The following NCOA7 variants were observed in gnomAD, a reference collection of about 807,000 sequenced individuals.
NCOA7 encodes 140 kDa estrogen receptor-associated protein.
Under a neutral mutation model 104.3 loss-of-function variants are expected in NCOA7, and 45 were observed. The observed-to-expected ratio is 0.43, with a 90% CI of 0.34 to 0.55. The LOEUF is 0.55. NCOA7 is among the 20% of genes least tolerant of loss of function. The pLI, the probability that NCOA7 is intolerant of heterozygous loss-of-function variation, is 0.02. For missense variants in NCOA7, 1,041 were observed against 1,119.7 expected (o/e 0.93, Z 1.00); for synonymous variants, 398 against 402.3 (o/e 0.99, Z 0.13).
intron 1 of NCOA7, among the ~76,000 whole-genome samples, chr6:125,782,432 C>T (rs1774268677): frequency 6.6e-6 from 1 of 152,192 alleles, no homozygotes; most frequent in African/African-American, 2.4e-5. Context: ...TTTAATTCCA[C>T]ATTGTCATTT....
chr6:125,790,264 A>T (rs1774705614), upstream of NCOA7, among the ~76,000 whole-genome samples: 1 of 152,242 alleles, frequency 6.6e-6, no homozygotes, highest in South Asian at 2.1e-4. Context: ...AAGGGCTTTA[A>T]AGCTGGGGAA....
intron 13 of NCOA7, among the ~76,000 whole-genome samples, chr6:125,924,743 G>A (rs1168354345): frequency 6.6e-6 from 1 of 152,198 alleles, no homozygotes; most frequent in African/African-American, 2.4e-5. Context: ...GGCACTTGAG[G>A]CACAACTCTC....
chr6:125,823,129 A>G (rs182919345), intron 2 of NCOA7, among the ~76,000 whole-genome samples: 44 of 152,308 alleles, frequency 2.9e-4, no homozygotes, highest in Non-Finnish European at 5.0e-4. Context: ...ACTCTCTTGC[A>G]TGATTTCCAT....
At chr6:125,812,629 A>G (rs1205706787) in intron 1 of NCOA7, among the ~76,000 whole-genome samples, 3 of 152,102 alleles carry the variant, frequency 2.0e-5, no homozygotes, top group Non-Finnish European at 4.4e-5. Flanking sequence ...CCTTTCCTCT[A>G]GCCTTCACTG....
At chr6:125,801,938 A>AT (rs1394181849) in intron 1 of NCOA7, among the ~76,000 whole-genome samples, 3 of 152,214 alleles carry the variant, frequency 2.0e-5, no homozygotes, top group Non-Finnish European at 4.4e-5. Context: ...ACAGTAAGTA[A>AT]TATCAACCAT....
chr6:125,856,200 G>A (rs1400116124), intron 3 of NCOA7, among the ~76,000 whole-genome samples: 3 of 152,032 alleles, frequency 2.0e-5, no homozygotes, highest in African/African-American at 7.2e-5. Context: ...AGAAAACTGA[G>A]AGCAGTGTCT....
At chr6:125,875,012 C>T in intron 4 of NCOA7, 44 bp downstream of exon 4, 1 of 1,399,502 alleles carries the variant, frequency 7.1e-7, no homozygotes, top group Non-Finnish European at 1.0e-6. Flanking sequence ...AATAGCACTA[C>T]ATTTATATAA....
intron 3 of NCOA7, among the ~76,000 whole-genome samples, chr6:125,858,105 G>A (rs185537041): frequency 4.7e-4 from 71 of 152,046 alleles, no homozygotes; most frequent in African/African-American, 1.6e-3. Context: ...TTTCTGCATT[G>A]TTATCATGGA....
chr6:125,924,856 A>G (rs1409860398), intron 13 of NCOA7, among the ~76,000 whole-genome samples: 1 of 152,124 alleles, frequency 6.6e-6, no homozygotes, highest in African/African-American at 2.4e-5. Context: ...GTCAAGGGTT[A>G]TGGTGTACCC....
chr6:125,871,961 C>T (rs377720196), intron 3 of NCOA7, among the ~76,000 whole-genome samples: 1 of 146,956 alleles, frequency 6.8e-6, no homozygotes, highest in East Asian at 2.0e-4. Context: ...AGTGCCACTG[C>T]ACCCCAGCCT....
At position 125,817,975 on chromosome 6, in the gene NCOA7, C is replaced by T. The variant is rs182036151; in HGVS notation, c.50+2571C>T. ...GGTGGTCATGCTTCTCCTCCCCTTC[C>T]TCCCCGTCTCCCTTCCTCACCTCCT... On this transcript the variant is annotated intron_variant, in intron 2 of 15. Transcript: ENST00000392477. Among the ~76,000 whole-genome samples, 300 of 151,998 alleles carry T rather than the reference C, an allele frequency of 2.0e-3. 1 individual carries two copies. Among genetic ancestry groups the T allele is most frequent in the Admixed American group, 4.9e-3 (74 of 15,256 alleles).
intron 13 of NCOA7, among the ~76,000 whole-genome samples, chr6:125,924,779 CT>C (rs1393324999): frequency 1.3e-5 from 2 of 152,310 alleles, no homozygotes; most frequent in African/African-American, 4.8e-5. Context: ...CCCGCTGAGA[CT>C]GACAGTGGTT....
At chr6:125,927,825 G>A in intron 14 of NCOA7, 67 bp downstream of exon 14, 6 of 1,278,132 alleles carry the variant, frequency 4.7e-6, no homozygotes, top group Non-Finnish European at 6.9e-6. Flanking sequence ...AAGGGGATAG[G>A]CATTGGGGCA....
intron 8 of NCOA7, among the ~76,000 whole-genome samples, chr6:125,887,411 A>G (rs117403170): frequency 0.012 from 1,902 of 152,314 alleles, 15 homozygotes; most frequent in Non-Finnish European, 0.02. Context: ...TAGGCAGAAC[A>G]TTTTGTGTTT....
intron 2 of NCOA7, among the ~76,000 whole-genome samples, chr6:125,819,702 A>G (rs761346156): frequency 2.0e-5 from 3 of 152,158 alleles, no homozygotes; most frequent in Non-Finnish European, 2.9e-5. Context: ...CTCTGGGGTG[A>G]CTATCATGTG....
chr6:125,822,935 CAA>C (rs1361583039), intron 2 of NCOA7, among the ~76,000 whole-genome samples: 8 of 55,560 alleles, frequency 1.4e-4, no homozygotes, highest in Non-Finnish European at 1.9e-4. Flanking sequence ...ACTCCATCTC[CAA>C]AAAAAAAAAA....
rs762940352 is a variant in NCOA7 at position 125,889,205 on chromosome 6, C to G, written c.1151C>G (p.Ser384Cys). 6.2e-7 allele frequency: 1 copy of G among 1,613,972 alleles called. No individual in the cohort carries two copies. Among genetic ancestry groups the G allele is most frequent in the Non-Finnish European group, 8.5e-7 (1 of 1,179,984 alleles). Reference protein sequence around the residue: ...LDSSRETSHGSPTVTKLSKEP... With the variant: ...LDSSRETSHGCPTVTKLSKEP... ...TCCTCTAGGGAGACATCCCATGGTT[C>G]TCCCACAGTGACTAAGCTCAGCAAG... The change falls in exon 9 of 16, where the codon TCT becomes TGT. Residue 384 changes from serine (S) to cysteine (C), a missense_variant. Transcript: ENST00000392477.
Position 125,796,038 on chromosome 6 carries a change from T to C in NCOA7, c.-65+4971T>C, listed in dbSNP as rs361513. Among the ~76,000 whole-genome samples, 33 of 152,254 alleles carry C rather than the reference T, an allele frequency of 2.2e-4. No homozygotes were observed. The East Asian group carries it at 3.3e-3, about 15-fold the overall frequency. On this transcript the variant is annotated intron_variant, in intron 1 of 15. Coordinates refer to ENST00000392477, the MANE Select transcript of NCOA7 (RefSeq NM_181782.5). ...TGTTCCCTCTGCTTGGAACATGCTGTCCAATTTTCATGAGCAAGCCACTCT... is the reference window on the plus strand; with the variant it reads ...TGTTCCCTCTGCTTGGAACATGCTGCCCAATTTTCATGAGCAAGCCACTCT...
At position 125,890,644 on chromosome 6, in the gene NCOA7, A is replaced by G. The variant is rs758169163; in HGVS notation, c.1930A>G (p.Ile644Val). Reference protein sequence around the residue: ...LKRIQVPIEDILPSKEEKSKT... With the variant: ...LKRIQVPIEDVLPSKEEKSKT... ...CAGTTTTTTCGTGTGTGATTCAGAT[A>G]TACTTCCTTCAAAAGAAGAAAAAAG... The change falls in exon 10 of 16, where the codon ATA (isoleucine) becomes GTA (valine). Residue 644 changes from isoleucine to valine, a missense_variant and splice_region_variant. Coordinates refer to ENST00000392477, the MANE Select transcript of NCOA7 (RefSeq NM_181782.5). 1 of 1,611,618 alleles carries G rather than the reference A, an allele frequency of 6.2e-7. No homozygotes were observed. Among genetic ancestry groups the G allele is most frequent in the South Asian group, 1.1e-5 (1 of 90,668 alleles).
Sources: gnomAD v4.1 joint callset for allele counts (sites outside exome capture counted in the v4.1 genomes callset) on GRCh38, gnomAD v4.1.1 for gene constraint, MANE v1.5 for transcripts, NCBI Gene and HGNC (gene_info 2026-07-23, HGNC 2026-07-21) for gene names.